Variants in DENND5B observed in about 807,000 individuals in gnomAD.
The protein encoded by DENND5B is DENN domain-containing protein 5B.
In DENND5B, 34 loss-of-function variants were observed where a neutral mutation model predicts 140.6. The observed-to-expected ratio is 0.24, with a 90% confidence interval of 0.18 to 0.32. The LOEUF (loss-of-function observed/expected upper bound fraction) is 0.32. Ranked by LOEUF, DENND5B falls within the 10% of genes least tolerant of loss-of-function variation. DENND5B has a pLI of 1.00. For missense variants in DENND5B, 1,142 were observed against 1,560.2 expected (o/e 0.73, Z 4.52); for synonymous variants, 551 against 562.1 (o/e 0.98, Z 0.28).
At chr12:31,531,192 C>CTT (rs57219180) in intron 1 of DENND5B, among the ~76,000 whole-genome samples, 21,769 of 147,782 alleles carry the variant, frequency 0.15, 1,770 homozygotes, top group Non-Finnish European at 0.2. Context: ...TTAGAACTAA[C>CTT]TTTTTTTTTT....
At chr12:31,503,890 C>G (rs2138850813) in intron 1 of DENND5B, among the ~76,000 whole-genome samples, 1 of 152,278 alleles carries the variant, frequency 6.6e-6, no homozygotes, top group East Asian at 1.9e-4. Context: ...CCTGTCCTGA[C>G]AGGTAACCCC....
At chr12:31,403,654 T>A (rs1274000074) in intron 14 of DENND5B, among the ~76,000 whole-genome samples, 1 of 149,198 alleles carries the variant, frequency 6.7e-6, no homozygotes, top group African/African-American at 2.5e-5. Context: ...TCCTAGCACT[T>A]TGGGAGGCCG....
intron 4 of DENND5B, among the ~76,000 whole-genome samples, chr12:31,458,675 A>T (rs1332682690): frequency 6.6e-6 from 1 of 152,222 alleles, no homozygotes; most frequent in African/African-American, 2.4e-5. Context: ...TATGAGAATC[A>T]TTACAGGAAA....
chr12:31,400,891 G>A (rs1474588292), intron 15 of DENND5B, among the ~76,000 whole-genome samples: 1 of 143,898 alleles, frequency 6.9e-6, no homozygotes. Flanking sequence ...TGCCCAGGCT[G>A]GAGTGCAATG....
intron 1 of DENND5B, among the ~76,000 whole-genome samples, chr12:31,582,844 ATGT>A (rs1290294571): frequency 6.6e-6 from 1 of 152,230 alleles, no homozygotes; most frequent in Non-Finnish European, 1.5e-5. Context: ...GATACAGCAT[ATGT>A]TACTAGGGAG....
At chr12:31,556,205 C>T (rs4594082) in intron 1 of DENND5B, among the ~76,000 whole-genome samples, 4 of 152,020 alleles carry the variant, frequency 2.6e-5, no homozygotes, top group Admixed American at 6.6e-5. Context: ...GCTCCTCCCC[C>T]CTTTTTTTTC....
At chr12:31,449,823 C>T (rs912724491) in intron 5 of DENND5B, among the ~76,000 whole-genome samples, 6 of 151,168 alleles carry the variant, frequency 4.0e-5, no homozygotes, top group African/African-American at 7.3e-5. Context: ...CTCCACCTCC[C>T]GGGTTCATGC....
intron 1 of DENND5B, among the ~76,000 whole-genome samples, chr12:31,540,686 A>G (rs562891086): frequency 5.6e-4 from 85 of 151,994 alleles, no homozygotes; most frequent in African/African-American, 1.8e-3. Flanking sequence ...AAAAAAAGAA[A>G]AGAAGAGAAA....
intron 7 of DENND5B, among the ~76,000 whole-genome samples, chr12:31,434,092 TTTC>T (rs1943636211): frequency 2.6e-5 from 4 of 152,232 alleles, no homozygotes. Context: ...TGCTCTAAAA[TTTC>T]ATGACTGTGT....
intron 1 of DENND5B, among the ~76,000 whole-genome samples, chr12:31,515,972 A>G (rs1197051053): frequency 6.6e-6 from 1 of 152,238 alleles, no homozygotes; most frequent in Non-Finnish European, 1.5e-5. Context: ...ATATCTTAAA[A>G]TAATTTAAAT....
At chr12:31,502,729 G>T (rs964431603) in intron 1 of DENND5B, among the ~76,000 whole-genome samples, 1 of 152,108 alleles carries the variant, frequency 6.6e-6, no homozygotes, top group Non-Finnish European at 1.5e-5. Context: ...CTACGCTGGG[G>T]GGCTACTTAC....
At chr12:31,501,619 C>G (rs1404808374) in intron 1 of DENND5B, among the ~76,000 whole-genome samples, 2 of 151,746 alleles carry the variant, frequency 1.3e-5, no homozygotes. Context: ...ACTAAAAATA[C>G]AAAATTAACC....
chr12:31,413,341 C>CTGAA, intron 13 of DENND5B, 95 bp downstream of exon 13: 1 of 1,470,728 alleles, frequency 6.8e-7, no homozygotes, highest in Non-Finnish European at 9.2e-7. Flanking sequence ...GGATACAGCA[C>CTGAA]TTCATACTGA....
chr12:31,442,504 G>A (rs925004035), intron 7 of DENND5B, among the ~76,000 whole-genome samples: 5 of 151,096 alleles, frequency 3.3e-5, no homozygotes, highest in Non-Finnish European at 5.9e-5. Flanking sequence ...TATTTAAATC[G>A]CCATTTAAAG....
chr12:31,452,840 G>A (rs1447713437), intron 4 of DENND5B, among the ~76,000 whole-genome samples: 1 of 151,664 alleles, frequency 6.6e-6, no homozygotes, highest in East Asian at 1.9e-4. Flanking sequence ...ATTTTCTCTG[G>A]GTCTCAGCAA....
intron 1 of DENND5B, among the ~76,000 whole-genome samples, chr12:31,586,871 CA>C (rs1426108984): frequency 1.3e-5 from 2 of 152,204 alleles, no homozygotes; most frequent in Non-Finnish European, 2.9e-5. Context: ...ACTTGACTAT[CA>C]TTAACTTTGA....
chr12:31,541,984 G>A lies in DENND5B; in HGVS notation c.128-46065C>T, dbSNP rs955640646. 2.6e-5 allele frequency among the ~76,000 whole-genome samples: 4 copies of A among 152,190 alleles called. No homozygotes were observed. In the East Asian group the frequency reaches 7.7e-4, roughly 29 times the overall value. On this transcript the variant is annotated intron_variant, in intron 1 of 20. Coordinates refer to ENST00000389082, the MANE Select transcript of DENND5B (RefSeq NM_144973.4). ...CTTCACATGTTTTCACTTATTTGTG[G>A]GAGCTAAAAATTAAAACAACTGGTC...
intron 11 of DENND5B, among the ~76,000 whole-genome samples, chr12:31,419,333 C>T (rs1032403318): frequency 1.3e-5 from 2 of 151,984 alleles, no homozygotes; most frequent in African/African-American, 4.8e-5. Context: ...CCTGTAATTC[C>T]AGTTACTTGG....
At chr12:31,532,613 G>C (rs752938249) in intron 1 of DENND5B, among the ~76,000 whole-genome samples, 7 of 152,168 alleles carry the variant, frequency 4.6e-5, no homozygotes, top group Admixed American at 1.3e-4. Flanking sequence ...GAATGATAGA[G>C]AGAAGCAGGT....
Sources: gnomAD v4.1 joint callset for allele counts (sites outside exome capture counted in the v4.1 genomes callset) on GRCh38, gnomAD v4.1.1 for gene constraint, MANE v1.5 for transcripts, NCBI Gene and HGNC (gene_info 2026-07-23, HGNC 2026-07-21) for gene names.